Variants in DTNA observed in about 807,000 individuals in gnomAD.
DTNA encodes the protein dystrophin-related protein 3.
A neutral mutation model predicts 100.7 loss-of-function variants in DTNA; 43 were observed. The ratio of observed to expected loss-of-function variants is 0.43; its 90% CI spans 0.33 to 0.55. The LOEUF (loss-of-function observed/expected upper bound fraction) is 0.55, where lower values mean the gene tolerates loss of function less well. DTNA is among the 20% of genes least tolerant of loss of function. The pLI, the probability that DTNA is intolerant of heterozygous loss-of-function variation, is 0.04. For missense variants in DTNA, 798 were observed against 953.9 expected (o/e 0.84, Z 2.15); for synonymous variants, 349 against 347.9 (o/e 1.00, Z -0.04).
intron 1 of DTNA, among the ~76,000 whole-genome samples, chr18:34,689,896 G>A (rs1436950959): frequency 1.3e-5 from 2 of 152,186 alleles, no homozygotes; most frequent in Admixed American, 1.3e-4. Context: ...TTGAGGTGTT[G>A]TGGTGGGCCC....
intron 1 of DTNA, among the ~76,000 whole-genome samples, chr18:34,509,820 G>T (rs532584069): frequency 6.6e-6 from 1 of 151,980 alleles, no homozygotes; most frequent in Non-Finnish European, 1.5e-5. Flanking sequence ...AAAAATAAAA[G>T]TTCTCTAAAT....
chr18:34,706,612 A>T (rs1370909683), upstream of DTNA, among the ~76,000 whole-genome samples: 1 of 152,218 alleles, frequency 6.6e-6, no homozygotes, highest in African/African-American at 2.4e-5. Flanking sequence ...CATCAATTTC[A>T]TAGTGTTATT....
intron 1 of DTNA, among the ~76,000 whole-genome samples, chr18:34,519,360 A>G (rs940077120): frequency 6.6e-5 from 10 of 152,170 alleles, no homozygotes; most frequent in Admixed American, 5.2e-4. Context: ...CTAGAAGGAA[A>G]CATTAAGGAT....
At chr18:34,560,630 G>A (rs1490538886) in intron 1 of DTNA, among the ~76,000 whole-genome samples, 1 of 152,154 alleles carries the variant, frequency 6.6e-6, no homozygotes, top group African/African-American at 2.4e-5. Flanking sequence ...AAGAGGTTGG[G>A]CGCTATGGCT....
intron 1 of DTNA, among the ~76,000 whole-genome samples, chr18:34,690,936 T>G (rs2079653960): frequency 6.6e-6 from 1 of 152,176 alleles, no homozygotes; most frequent in South Asian, 2.1e-4. Flanking sequence ...ATCTCCTTTT[T>G]TAAGGATTAG....
At chr18:34,629,904 T>C (rs996586588) in intron 1 of DTNA, among the ~76,000 whole-genome samples, 1 of 152,204 alleles carries the variant, frequency 6.6e-6, no homozygotes, top group Non-Finnish European at 1.5e-5. Context: ...CTGCTGGGCC[T>C]CTGATTCCAT....
intron 1 of DTNA, among the ~76,000 whole-genome samples, chr18:34,615,330 C>G (rs1426372627): frequency 6.6e-6 from 1 of 152,132 alleles, no homozygotes; most frequent in East Asian, 1.9e-4. Context: ...ACACCTCCAA[C>G]CAGGCCCCAC....
chr18:34,825,224 T>C, intron 9 of DTNA: 1 of 1,612,876 alleles, frequency 6.2e-7, no homozygotes, highest in South Asian at 1.1e-5. Context: ...AATATTACCA[T>C]GATTAACGGT....
intron 4 of DTNA, among the ~76,000 whole-genome samples, chr18:34,803,151 C>T (rs1417354099): frequency 6.6e-6 from 1 of 152,184 alleles, no homozygotes; most frequent in Non-Finnish European, 1.5e-5. Context: ...TGCATACCCC[C>T]AGAATCCTTC....
chr18:34,753,364 TTATTTTTTTTTTTTTTTTATTTTTTA>T (rs2148133458), intron 1 of DTNA, among the ~76,000 whole-genome samples: 1 of 85,100 alleles, frequency 1.2e-5, no homozygotes, highest in East Asian at 2.6e-4. Flanking sequence ...TTTATTTATT[TTATTTTTTTTTTTTTTTTATTTTTTA>T]TTTTTTTTTT....
chr18:34,714,953 A>C (rs2083699963), intron 1 of DTNA, among the ~76,000 whole-genome samples: 1 of 151,962 alleles, frequency 6.6e-6, no homozygotes, highest in Non-Finnish European at 1.5e-5. Flanking sequence ...AAACTATCGC[A>C]AGAACAAAAA....
chr18:34,766,137 G>T, intron 3 of DTNA, 96 bp downstream of exon 3: 3 of 1,338,508 alleles, frequency 2.2e-6, no homozygotes, highest in Middle Eastern at 1.8e-4. Context: ...TACAAATATT[G>T]CTAATATTGT....
rs2096939877 is a variant in DTNA, at chr18:34,888,240, G to T, written c.*506G>T. The T allele has an allele frequency of 1.0e-6, 1 of 985,760 alleles. No individual in the cohort carries two copies. The allele number at this position is 985,760 out of a possible 1,614,324, so 61.1% of individuals were successfully genotyped here. A position where few individuals can be genotyped will look rare whatever the true frequency, so the allele number is the denominator to read the frequency against. ...GATTTCTGAATTCTTTGAGATTTTA[G>T]CAAAACAGTTTATTATACACTGTAC... On this transcript the variant is annotated 3_prime_UTR_variant, in exon 23 of 23. Transcript: ENST00000444659.
intron 15 of DTNA, among the ~76,000 whole-genome samples, chr18:34,856,439 G>A (rs28514474): frequency 6.0e-4 from 92 of 152,318 alleles, no homozygotes; most frequent in African/African-American, 2.1e-3. Flanking sequence ...TCTTTAGAAG[G>A]TAATGGTTCC....
In DTNA at chr18:34,507,515, G is replaced by A. The variant is rs114196969; in HGVS notation, c.-2+14001G>A. Among the ~76,000 whole-genome samples, 139 of 152,272 alleles carry A rather than the reference G, an allele frequency of 9.1e-4. 1 individual carries two copies. Among genetic ancestry groups the A allele is most frequent in the African/African-American group, 2.7e-3 (113 of 41,554 alleles). On this transcript the variant is annotated intron_variant, in intron 1 of 19. Transcript: ENST00000283365. ...ACTTGGTAGGTTAAGTACAAAAGATGGAGCTAAGAATTCTCTGCTTGAAAC... is the reference window on the plus strand; with the variant it reads ...ACTTGGTAGGTTAAGTACAAAAGATAGAGCTAAGAATTCTCTGCTTGAAAC...
intron 2 of DTNA, among the ~76,000 whole-genome samples, chr18:34,756,518 G>A (rs1372252105): frequency 6.6e-6 from 1 of 152,150 alleles, no homozygotes; most frequent in Non-Finnish European, 1.5e-5. Flanking sequence ...CACAATTACT[G>A]GACCAAACTA....
chr18:34,614,548 T>C (rs571961030), intron 1 of DTNA, among the ~76,000 whole-genome samples: 1 of 152,224 alleles, frequency 6.6e-6, no homozygotes, highest in Non-Finnish European at 1.5e-5. Flanking sequence ...AAAATATCAT[T>C]AACAGGAGTT....
chr18:34,505,969 C>T (rs529541350), intron 1 of DTNA, among the ~76,000 whole-genome samples: 16 of 152,286 alleles, frequency 1.1e-4, no homozygotes, highest in African/African-American at 2.4e-4. Context: ...CTGATTTAGC[C>T]GAGTTCCACT....
chr18:34,764,664 C>T (rs1178538584), intron 2 of DTNA, among the ~76,000 whole-genome samples: 1 of 152,216 alleles, frequency 6.6e-6, no homozygotes, highest in Non-Finnish European at 1.5e-5. Context: ...AATGCTAAAT[C>T]CCCTAGTGGG....
Sources: allele counts gnomAD v4.1 joint callset (sites outside exome capture counted in the v4.1 genomes callset), GRCh38; gene constraint gnomAD v4.1.1; transcripts MANE v1.5; gene names NCBI Gene and HGNC (gene_info 2026-07-23, HGNC 2026-07-21).